ZNF652: variants seen among roughly 807,000 people sequenced by gnomAD.
ZNF652 encodes the protein zinc finger protein 652.
ZNF652 carries 16 observed loss-of-function variants against 45.2 expected under a neutral mutation model. That is an observed-to-expected ratio of 0.35 (90% confidence interval 0.24 to 0.54). ZNF652 has a LOEUF of 0.54. Among genes scored for constraint, ZNF652 ranks in the 20% least tolerant of loss-of-function variants. The pLI is 0.91. For synonymous variants in ZNF652, 250 were observed against 260.6 expected, an observed-to-expected ratio of 0.96 and a Z score of 0.39; for missense variants, 614 against 765.6, an observed-to-expected ratio of 0.80 and a Z score of 2.34.
chr17:49,361,494 G>A (rs2070393336), intron 1 of ZNF652, among the ~76,000 whole-genome samples: 1 of 152,206 alleles, frequency 6.6e-6, no homozygotes, highest in Admixed American at 6.5e-5. Flanking sequence ...GGGTGCAACC[G>A]CAAGGCGGGG....
intron 2 of ZNF652, among the ~76,000 whole-genome samples, chr17:49,313,300 T>G (rs544991691): frequency 1.3e-5 from 2 of 151,990 alleles, no homozygotes; most frequent in East Asian, 3.9e-4. Flanking sequence ...GGATTACAGG[T>G]GGGCGTCACC....
intron 1 of ZNF652, among the ~76,000 whole-genome samples, chr17:49,351,586 T>C (rs1378465523): frequency 6.6e-6 from 1 of 152,062 alleles, no homozygotes; most frequent in Non-Finnish European, 1.5e-5. Context: ...GACATACATA[T>C]ATATATATGT....
At chr17:49,299,374 A>G (rs189687703) in intron 5 of ZNF652, among the ~76,000 whole-genome samples, 1 of 151,782 alleles carries the variant, frequency 6.6e-6, no homozygotes, top group African/African-American at 2.4e-5. Context: ...TCTGTAAGAA[A>G]TTTTTTTTCT....
chr17:49,309,564 T>C (rs1187244239), intron 5 of ZNF652, among the ~76,000 whole-genome samples: 3 of 151,050 alleles, frequency 2.0e-5, no homozygotes, highest in Non-Finnish European at 2.9e-5. Flanking sequence ...TGCTGTTTAG[T>C]TCCATGTTTT....
intron 1 of ZNF652, among the ~76,000 whole-genome samples, chr17:49,360,262 AAACT>A (rs2070378779): frequency 6.6e-6 from 1 of 152,218 alleles, no homozygotes. Context: ...TTTTAAAAAA[AAACT>A]AACCAACTAA....
At chr17:49,288,237 T>G (rs2069361922), downstream of ZNF652, 1 of 152,136 alleles carries the variant, frequency 6.6e-6, no homozygotes, top group African/African-American at 2.4e-5. Context: ...TGAAAGCACT[T>G]ATTTAGTATA....
chr17:49,361,656 C>T (rs2095303226), intron 1 of ZNF652, among the ~76,000 whole-genome samples: 1 of 152,108 alleles, frequency 6.6e-6, no homozygotes, highest in African/African-American at 2.4e-5. Context: ...CAGCCAAGCC[C>T]GGGTCCAGGA....
At chr17:49,349,463 A>G (rs990345229) in intron 1 of ZNF652, among the ~76,000 whole-genome samples, 1 of 152,226 alleles carries the variant, frequency 6.6e-6, no homozygotes, top group Non-Finnish European at 1.5e-5. Flanking sequence ...GGTTTGCCAT[A>G]GCAGGGATTC....
rs2069414084 is a variant in ZNF652 at position 49,292,280 on chromosome 17, A to G, written c.*6133T>C. 1.3e-5 allele frequency among the ~76,000 whole-genome samples: 2 copies of G among 152,094 alleles called. No individual in the cohort carries two copies. Among genetic ancestry groups the G allele is most frequent in the African/African-American group, 2.4e-5 (1 of 41,412 alleles). ...GAAGGGAGTAAAAAGACCTGTCCAC[A>G]GCACAAACTTCCACTCTGGCTGTGA... On this transcript the variant is annotated 3_prime_UTR_variant, in exon 6 of 6. Transcript: ENST00000430262.
rs1432126876 is a variant in ZNF652 at position 49,294,630 on chromosome 17, G to C, written c.*3783C>G. The C allele has an allele frequency of 6.6e-6, 1 of 152,070 alleles. No individual in the cohort carries two copies. Among genetic ancestry groups the C allele is most frequent in the Non-Finnish European group, 1.5e-5 (1 of 68,016 alleles). The allele number at this position is 152,070 out of a possible 1,614,324, so 9.4% of individuals were successfully genotyped here. On this transcript the variant is annotated 3_prime_UTR_variant, in exon 6 of 6. Coordinates refer to ENST00000430262, the MANE Select transcript of ZNF652 (RefSeq NM_001145365.3). Reference sequence around the variant, plus strand: ...TTATATTTTACTGATAAATCTATGAGAGAAAATAGAAAAATAAAAACGAAA... The same window carrying C: ...TTATATTTTACTGATAAATCTATGACAGAAAATAGAAAAATAAAAACGAAA...
chr17:49,315,813 G>A (rs1419932260), intron 2 of ZNF652, among the ~76,000 whole-genome samples: 3 of 152,148 alleles, frequency 2.0e-5, no homozygotes, highest in Non-Finnish European at 4.4e-5. Flanking sequence ...ATCAAAAGCG[G>A]TGAATTTTTA....
intron 1 of ZNF652, among the ~76,000 whole-genome samples, chr17:49,357,491 A>G (rs541891790): frequency 1.3e-4 from 20 of 152,296 alleles, no homozygotes; most frequent in Non-Finnish European, 2.2e-4. Flanking sequence ...CTATAGCCCC[A>G]ATAGCAGTTT....
At chr17:49,310,711 G>A (rs2069698034) in intron 5 of ZNF652, among the ~76,000 whole-genome samples, 1 of 152,132 alleles carries the variant, frequency 6.6e-6, no homozygotes, top group Non-Finnish European at 1.5e-5. Context: ...AGACCAGCCT[G>A]GGCAACATGG....
At chr17:49,326,238 C>A (rs771269230) in intron 1 of ZNF652, among the ~76,000 whole-genome samples, 9 of 112,348 alleles carry the variant, frequency 8.0e-5, no homozygotes, top group Non-Finnish European at 1.4e-4. Flanking sequence ...AAGACCCCAT[C>A]TCTAAAAAAA....
chr17:49,351,015 ACACACAC>A (rs1567700290), intron 1 of ZNF652, among the ~76,000 whole-genome samples: 24 of 24,432 alleles, frequency 9.8e-4, no homozygotes, highest in East Asian at 1.8e-3. Flanking sequence ...ATATATATAT[ACACACAC>A]ACACACACAC....
rs550370703 is a variant in ZNF652 at position 49,291,962 on chromosome 17, T to G, written c.*6451A>C. The stretch of plus-strand genomic sequence containing the variant: ...ATCAAACATAACCAATTCTCACAAT[T>G]TTGCACTATCTCACCAATAATATCT... On this transcript the variant is annotated 3_prime_UTR_variant, in exon 6 of 6. Transcript: ENST00000430262. Among the ~76,000 whole-genome samples, 9 of 152,278 alleles carry G rather than the reference T, an allele frequency of 5.9e-5. No homozygotes were observed. Among genetic ancestry groups the G allele is most frequent in the African/African-American group, 2.2e-4 (9 of 41,570 alleles).
chr17:49,350,992 T>C (rs1383462851), intron 1 of ZNF652, among the ~76,000 whole-genome samples: 1 of 20,012 alleles, frequency 5.0e-5, no homozygotes, highest in Non-Finnish European at 1.0e-4. Context: ...TATATATATA[T>C]ATATATATAT....
At chr17:49,351,469 G>A (rs1268429562) in intron 1 of ZNF652, among the ~76,000 whole-genome samples, 3 of 151,934 alleles carry the variant, frequency 2.0e-5, no homozygotes, top group Non-Finnish European at 2.9e-5. Flanking sequence ...ATAACCATCT[G>A]AATTATGATG....
At chr17:49,353,235 G>A (rs2070301182) in intron 1 of ZNF652, among the ~76,000 whole-genome samples, 1 of 152,132 alleles carries the variant, frequency 6.6e-6, no homozygotes, top group Non-Finnish European at 1.5e-5. Flanking sequence ...AGGCTGGCAT[G>A]GAGTGGCATG....
Sources: allele counts gnomAD v4.1 joint callset (sites outside exome capture counted in the v4.1 genomes callset), GRCh38; gene constraint gnomAD v4.1.1; transcripts MANE v1.5; gene names NCBI Gene and HGNC (gene_info 2026-07-23, HGNC 2026-07-21).